The following OSTF1 variants were observed in gnomAD, a reference collection of about 807,000 sequenced individuals.
OSTF1 encodes osteoclast stimulating factor 1, also known as osteoclast-stimulating factor 1.
In OSTF1, 27 loss-of-function variants were observed where a neutral mutation model predicts 37.2. The ratio of observed to expected loss-of-function variants is 0.73; its 90% CI spans 0.54 to 1.00. The LOEUF is 1.00. Ranked by LOEUF, OSTF1 falls within the 50% of genes least tolerant of loss-of-function variation. OSTF1 has a pLI of 0.00. For synonymous variants in OSTF1, 82 were observed against 89.2 expected (o/e 0.92, Z 0.46); for missense variants, 232 against 253.8 (o/e 0.91, Z 0.58).
chr9:75,118,178 G>A (rs562649454), intron 2 of OSTF1, among the ~76,000 whole-genome samples: 2 of 152,300 alleles, frequency 1.3e-5, no homozygotes, highest in South Asian at 4.1e-4. Context: ...AATAAGGAGG[G>A]TTAGGAGCAA....
intron 1 of OSTF1, among the ~76,000 whole-genome samples, chr9:75,101,081 C>G (rs994559227): frequency 1.3e-5 from 2 of 152,170 alleles, no homozygotes; most frequent in Non-Finnish European, 2.9e-5. Context: ...TTGGGAGTCA[C>G]TTGGACTCCT....
intron 9 of OSTF1, among the ~76,000 whole-genome samples, chr9:75,145,489 T>C (rs947387954): frequency 1.1e-4 from 16 of 152,334 alleles, no homozygotes; most frequent in African/African-American, 3.8e-4. Flanking sequence ...GATCTGTTAC[T>C]TCACTAAACG....
intron 1 of OSTF1, among the ~76,000 whole-genome samples, chr9:75,089,472 TTAGA>T (rs1824906151): frequency 6.6e-6 from 1 of 152,156 alleles, no homozygotes; most frequent in South Asian, 2.1e-4. Context: ...TGCTCTGTTC[TTAGA>T]ATATTTTCTG....
At chr9:75,108,713 G>A (rs548652282) in intron 1 of OSTF1, among the ~76,000 whole-genome samples, 1 of 152,086 alleles carries the variant, frequency 6.6e-6, no homozygotes, top group East Asian at 1.9e-4. Context: ...AGGAGATGAA[G>A]AGATTAAGTC....
chr9:75,140,470 C>A (rs1176060623), intron 8 of OSTF1, among the ~76,000 whole-genome samples: 4 of 152,164 alleles, frequency 2.6e-5, no homozygotes, highest in South Asian at 2.1e-4. Context: ...AAATATTAAT[C>A]CCCTCAAGCA....
Position 75,133,304 on chromosome 9 carries a change from C to A in OSTF1, c.261C>A (p.Ser87Arg), listed in dbSNP as rs1354744606. 3 of 1,602,060 alleles carry A rather than the reference C, an allele frequency of 1.9e-6. No homozygotes were observed. The highest frequency in any genetic ancestry group is 2.6e-6 in the Non-Finnish European group (3 of 1,171,228). The change falls in exon 6 of 10, where the codon AGC becomes AGA. Residue 87 changes from serine (S) to arginine (R), a missense_variant. By Grantham distance (110) the Ser-to-Arg change is moderately radical. Transcript: ENST00000346234. ...GTAAAATTCTTTCAGGCAACTTGAG[C>A]TGGTTGAGAGAGTGTTTGGACAACA... ...LHEAAKRGNLSWLRECLDNRV... is the reference protein window; with the variant it reads ...LHEAAKRGNLRWLRECLDNRV...
chr9:75,089,989 T>A (rs1034370014), intron 1 of OSTF1, among the ~76,000 whole-genome samples: 2 of 152,166 alleles, frequency 1.3e-5, no homozygotes, highest in Non-Finnish European at 1.5e-5. Flanking sequence ...TGAGACTGGC[T>A]CTGCCCTGGG....
At chr9:75,123,647 G>A (rs529115954) in intron 2 of OSTF1, among the ~76,000 whole-genome samples, 15 of 152,322 alleles carry the variant, frequency 9.8e-5, no homozygotes, top group African/African-American at 3.1e-4. Context: ...TGAAATTACC[G>A]TGTTGTATGT....
intron 2 of OSTF1, among the ~76,000 whole-genome samples, chr9:75,119,725 G>C (rs1825548239): frequency 6.6e-6 from 1 of 152,218 alleles, no homozygotes; most frequent in African/African-American, 2.4e-5. Context: ...CCAGCACTTT[G>C]GGAGGCTGAG....
rs763036012 is a variant in OSTF1, at chr9:75,146,937, A to G, written c.*196A>G. 46 of 425,554 alleles carry G rather than the reference A, an allele frequency of 1.1e-4. No homozygotes were observed. Among genetic ancestry groups the G allele is most frequent in the Middle Eastern group, 5.5e-4 (1 of 1,830 alleles). 26.4% of individuals were successfully genotyped at this position (425,554 alleles called of 1,614,324 possible). ...CAGTAAGTGACTGGATTCTTGGCAC[A>G]TTTATGTTCACCAAAGTAGAACAAG... On this transcript the variant is annotated 3_prime_UTR_variant, in exon 10 of 10. Coordinates refer to ENST00000346234, the MANE Select transcript of OSTF1 (RefSeq NM_012383.5).
At chr9:75,143,803 G>T (rs554060265) in intron 9 of OSTF1, among the ~76,000 whole-genome samples, 3 of 152,304 alleles carry the variant, frequency 2.0e-5, no homozygotes, top group African/African-American at 7.2e-5. Context: ...CCAGAGGTGG[G>T]CTGTGAAGAG....
chr9:75,128,348 G>A (rs1259579805), intron 3 of OSTF1, among the ~76,000 whole-genome samples: 1 of 69,770 alleles, frequency 1.4e-5, no homozygotes. Context: ...GTAGAATATG[G>A]ATATGTATGA....
chr9:75,095,500 T>G (rs1265759187), intron 1 of OSTF1, among the ~76,000 whole-genome samples: 1 of 151,972 alleles, frequency 6.6e-6, no homozygotes, highest in Non-Finnish European at 1.5e-5. Flanking sequence ...CAATGCTGAG[T>G]AAGAGTTTGC....
intron 1 of OSTF1, among the ~76,000 whole-genome samples, chr9:75,098,008 T>C (rs1438048746): frequency 6.6e-6 from 1 of 152,036 alleles, no homozygotes; most frequent in African/African-American, 2.4e-5. Flanking sequence ...CAGTTGTGCA[T>C]CACCATGCCT....
chr9:75,122,783 C>T (rs987759829), intron 2 of OSTF1, among the ~76,000 whole-genome samples: 5 of 152,142 alleles, frequency 3.3e-5, no homozygotes, highest in African/African-American at 1.2e-4. Flanking sequence ...GTTAATATTT[C>T]TGAATGCCCA....
intron 1 of OSTF1, among the ~76,000 whole-genome samples, chr9:75,100,446 G>T (rs548469716): frequency 6.6e-6 from 1 of 152,062 alleles, no homozygotes; most frequent in African/African-American, 2.4e-5. Context: ...AAAAGTCTCT[G>T]AGGCCAGGCG....
chr9:75,144,846 C>T (rs1011657405), intron 9 of OSTF1, among the ~76,000 whole-genome samples: 1 of 152,104 alleles, frequency 6.6e-6, no homozygotes, highest in Non-Finnish European at 1.5e-5. Flanking sequence ...TCAGGATTCA[C>T]ATAAGGTCAG....
At chr9:75,134,709 A>G (rs556119511) in intron 7 of OSTF1, among the ~76,000 whole-genome samples, 1 of 152,266 alleles carries the variant, frequency 6.6e-6, no homozygotes, top group Admixed American at 6.5e-5. Flanking sequence ...TGAAGGGTTA[A>G]GCTTGTCAGC....
intron 1 of OSTF1, among the ~76,000 whole-genome samples, chr9:75,096,994 G>T (rs368826903): frequency 3.2e-4 from 48 of 152,272 alleles, no homozygotes; most frequent in African/African-American, 1.2e-3. Flanking sequence ...CTTATTGTTT[G>T]GATGAGTCAG....
Sources: allele counts gnomAD v4.1 joint callset (sites outside exome capture counted in the v4.1 genomes callset), GRCh38; gene constraint gnomAD v4.1.1; transcripts MANE v1.5; gene names NCBI Gene and HGNC (gene_info 2026-07-23, HGNC 2026-07-21).